PLEKHA7: variants seen among roughly 807,000 people sequenced by gnomAD.
PLEKHA7 encodes the protein pleckstrin homology domain-containing family A member 7.
PLEKHA7 carries 104 observed loss-of-function variants against 170.0 expected under a neutral mutation model. The observed-to-expected ratio is 0.61, with a 90% CI of 0.52 to 0.72. The LOEUF is 0.72. Among genes scored for constraint, PLEKHA7 ranks in the 30% least tolerant of loss-of-function variants. The pLI, the probability that PLEKHA7 is intolerant of heterozygous loss-of-function variation, is 0.00. For missense variants in PLEKHA7, 1,615 were observed against 1,671.7 expected (o/e 0.97, Z 0.59); for synonymous variants, 648 against 660.8 (o/e 0.98, Z 0.30).
At chr11:16,943,356 C>T (rs1400354131) in intron 3 of PLEKHA7, among the ~76,000 whole-genome samples, 1 of 151,968 alleles carries the variant, frequency 6.6e-6, no homozygotes, top group Non-Finnish European at 1.5e-5. Context: ...TGCTCCATAG[C>T]CACATGTGGT....
At chr11:16,873,307 T>G (rs1362558216) in intron 3 of PLEKHA7, among the ~76,000 whole-genome samples, 3 of 152,216 alleles carry the variant, frequency 2.0e-5, no homozygotes, top group Admixed American at 2.0e-4. Context: ...TCAGAACCTC[T>G]GATGTCCAGG....
At chr11:17,006,051 G>A (rs1864969482) in intron 3 of PLEKHA7, among the ~76,000 whole-genome samples, 1 of 152,190 alleles carries the variant, frequency 6.6e-6, no homozygotes, top group South Asian at 2.1e-4. Flanking sequence ...TGGGACTGCT[G>A]TTCCCAGCAA....
At chr11:16,922,496 C>T (rs569915048) in intron 3 of PLEKHA7, among the ~76,000 whole-genome samples, 1 of 152,236 alleles carries the variant, frequency 6.6e-6, no homozygotes, top group Non-Finnish European at 1.5e-5. Flanking sequence ...CTCATTCTCT[C>T]TCCCCTCATT....
At chr11:16,805,898 C>T (rs1470316263) in intron 13 of PLEKHA7, among the ~76,000 whole-genome samples, 9 of 152,030 alleles carry the variant, frequency 5.9e-5, no homozygotes, top group Non-Finnish European at 1.3e-4. Context: ...GAGGTACTTA[C>T]ATCTCTTCTC....
At chr11:16,943,989 C>T (rs1860857127) in intron 3 of PLEKHA7, among the ~76,000 whole-genome samples, 1 of 152,194 alleles carries the variant, frequency 6.6e-6, no homozygotes, top group East Asian at 1.9e-4. Flanking sequence ...TCAGGGTCTG[C>T]ATGTTTAAGA....
intron 3 of PLEKHA7, among the ~76,000 whole-genome samples, chr11:16,874,104 T>C (rs1466580127): frequency 2.0e-5 from 3 of 152,204 alleles, no homozygotes. Context: ...TTAACACCAC[T>C]ATCTGTGATT....
chr11:16,963,646 G>A (rs999752076), intron 3 of PLEKHA7, among the ~76,000 whole-genome samples: 1 of 152,072 alleles, frequency 6.6e-6, no homozygotes, highest in Admixed American at 6.5e-5. Context: ...ATGTCCCCTG[G>A]GGAGCCAGGA....
At chr11:16,916,552 T>C (rs1858696802) in intron 3 of PLEKHA7, among the ~76,000 whole-genome samples, 1 of 152,174 alleles carries the variant, frequency 6.6e-6, no homozygotes, top group South Asian at 2.1e-4. Flanking sequence ...GATCGGACAA[T>C]GTGTAAAAAA....
intron 19 of PLEKHA7, among the ~76,000 whole-genome samples, chr11:16,792,764 C>T (rs909313861): frequency 2.0e-5 from 3 of 152,116 alleles, no homozygotes; most frequent in Non-Finnish European, 1.5e-5. Context: ...TATTGTTTCA[C>T]AAATATAAAT....
intron 3 of PLEKHA7, among the ~76,000 whole-genome samples, chr11:16,912,702 T>C (rs765303172): frequency 6.6e-6 from 1 of 152,104 alleles, no homozygotes; most frequent in African/African-American, 2.4e-5. Flanking sequence ...GGTGCTGTGA[T>C]AGAGGGGAGG....
intron 3 of PLEKHA7, among the ~76,000 whole-genome samples, chr11:16,892,148 G>A (rs1338851197): frequency 6.6e-6 from 1 of 152,172 alleles, no homozygotes; most frequent in Admixed American, 6.5e-5. Context: ...CATGCAATCT[G>A]CCAAGATGAC....
At chr11:17,001,516 G>A (rs1047503256) in intron 3 of PLEKHA7, among the ~76,000 whole-genome samples, 2 of 151,856 alleles carry the variant, frequency 1.3e-5, no homozygotes, top group East Asian at 1.9e-4. Context: ...CTCATCTCCC[G>A]CCTCACCCAG....
chr11:16,954,956 C>G (rs1206396970), intron 3 of PLEKHA7, among the ~76,000 whole-genome samples: 1 of 152,198 alleles, frequency 6.6e-6, no homozygotes, highest in African/African-American at 2.4e-5. Context: ...TCCCAAAGTG[C>G]TGGGATTACA....
At chr11:16,988,039 C>T in intron 3 of PLEKHA7, among the ~76,000 whole-genome samples, 1 of 152,224 alleles carries the variant, frequency 6.6e-6, no homozygotes, top group East Asian at 1.9e-4. Flanking sequence ...TAACCAGTGT[C>T]TGTACCCTCT....
At chr11:16,998,768 G>A (rs1864492024) in intron 3 of PLEKHA7, among the ~76,000 whole-genome samples, 1 of 151,884 alleles carries the variant, frequency 6.6e-6, no homozygotes, top group Non-Finnish European at 1.5e-5. Context: ...TGCATTAAGG[G>A]GTACAGTTAT....
At chr11:16,843,287 G>A (rs1852116874) in intron 8 of PLEKHA7, among the ~76,000 whole-genome samples, 1 of 152,186 alleles carries the variant, frequency 6.6e-6, no homozygotes, top group Non-Finnish European at 1.5e-5. Flanking sequence ...CCCCATGCAA[G>A]GACCAGGCAG....
At chr11:16,866,800 C>G (rs1854434099) in intron 4 of PLEKHA7, among the ~76,000 whole-genome samples, 2 of 152,126 alleles carry the variant, frequency 1.3e-5, no homozygotes, top group Admixed American at 1.3e-4. Context: ...CCCATTAGAT[C>G]ACAGCTTTCA....
At chr11:16,941,568 C>T (rs766208027) in intron 3 of PLEKHA7, among the ~76,000 whole-genome samples, 26 of 152,206 alleles carry the variant, frequency 1.7e-4, no homozygotes, top group Admixed American at 1.0e-3. Flanking sequence ...TTACAGAACA[C>T]TTACTATGAG....
At chr11:16,812,484 A>G (rs216493) in intron 13 of PLEKHA7, 125,333 of 152,282 alleles carry the variant, frequency 0.82, 51,714 homozygotes, top group South Asian at 0.87. Context: ...TTTTCACAGT[A>G]GGAGCTTTCA....
Sources: allele counts gnomAD v4.1 joint callset (sites outside exome capture counted in the v4.1 genomes callset), GRCh38; gene constraint gnomAD v4.1.1; transcripts MANE v1.5; gene names NCBI Gene and HGNC (gene_info 2026-07-23, HGNC 2026-07-21).